The following CSNK2A2IP variants were observed in gnomAD, a reference collection of about 807,000 sequenced individuals.
The protein encoded by CSNK2A2IP is casein kinase II subunit alpha'-interacting protein.
At chr3:88,401,715 A>T in the CSNK2A2IP span, among the ~76,000 whole-genome samples, 1 of 151,878 alleles carries the variant, frequency 6.6e-6, no homozygotes, top group African/African-American at 2.4e-5. Context: ...GTGGGAAGTT[A>T]TAATCTTTGC....
the CSNK2A2IP span, among the ~76,000 whole-genome samples, chr3:88,342,164 C>T: frequency 1.6e-4 from 25 of 151,942 alleles, no homozygotes; most frequent in African/African-American, 5.1e-4. Flanking sequence ...TATATGCCTT[C>T]AGAGTTCGGT....
chr3:88,349,950 G>A, the CSNK2A2IP span, among the ~76,000 whole-genome samples: 1 of 152,002 alleles, frequency 6.6e-6, no homozygotes, highest in Non-Finnish European at 1.5e-5. Context: ...CAATACTGTG[G>A]TAGTTCAAGT....
chr3:88,353,000 C>T, the CSNK2A2IP span, among the ~76,000 whole-genome samples: 2,971 of 152,262 alleles, frequency 0.02, 53 homozygotes, highest in Non-Finnish European at 0.033. Context: ...AAATTCCCCT[C>T]AAGCTTCTCT....
chr3:88,369,588 G>A, the CSNK2A2IP span, among the ~76,000 whole-genome samples: 3 of 151,896 alleles, frequency 2.0e-5, no homozygotes, highest in Non-Finnish European at 4.4e-5. Flanking sequence ...ATTCTAGAAG[G>A]AGGAGCACCA....
chr3:88,407,969 C>T, the CSNK2A2IP span, among the ~76,000 whole-genome samples: 1 of 152,190 alleles, frequency 6.6e-6, no homozygotes, highest in African/African-American at 2.4e-5. Context: ...GTGATCCACC[C>T]ACCTTGACCT....
the CSNK2A2IP span, among the ~76,000 whole-genome samples, chr3:88,418,768 T>G: frequency 6.6e-6 from 1 of 152,300 alleles, no homozygotes; most frequent in Non-Finnish European, 1.5e-5. Flanking sequence ...ATGAACATAT[T>G]TACCTGATAG....
the CSNK2A2IP span, among the ~76,000 whole-genome samples, chr3:88,355,564 C>T: frequency 3.3e-5 from 5 of 152,136 alleles, no homozygotes; most frequent in African/African-American, 4.8e-5. Context: ...ATTAATATTG[C>T]TTTCTGATAT....
the CSNK2A2IP span, among the ~76,000 whole-genome samples, chr3:88,367,269 G>A: frequency 6.6e-6 from 1 of 152,050 alleles, no homozygotes. Flanking sequence ...AGTTTTGGGG[G>A]AAGCCAAAGC....
At chr3:88,377,443 T>C in the CSNK2A2IP span, among the ~76,000 whole-genome samples, 5 of 151,874 alleles carry the variant, frequency 3.3e-5, no homozygotes, top group Non-Finnish European at 7.4e-5. Context: ...AGTACTGCTA[T>C]GTTCAGACAC....
chr3:88,391,059 T>C, the CSNK2A2IP span, among the ~76,000 whole-genome samples: 10 of 152,330 alleles, frequency 6.6e-5, no homozygotes, highest in Admixed American at 2.0e-4. Context: ...AGTCTTTGTA[T>C]GCTCAGTTTC....
chr3:88,347,668 T>C, the CSNK2A2IP span, among the ~76,000 whole-genome samples: 1 of 152,034 alleles, frequency 6.6e-6, no homozygotes, highest in Admixed American at 6.6e-5. Flanking sequence ...AACCAAAACA[T>C]TATTTTGACT....
chr3:88,405,071 A>C, the CSNK2A2IP span, among the ~76,000 whole-genome samples: 3 of 151,972 alleles, frequency 2.0e-5, no homozygotes, highest in Non-Finnish European at 2.9e-5. Context: ...CTTTACCTTG[A>C]TGTTTCCTCT....
chr3:88,396,703 T>C, the CSNK2A2IP span, among the ~76,000 whole-genome samples: 1 of 152,168 alleles, frequency 6.6e-6, no homozygotes, highest in Non-Finnish European at 1.5e-5. Context: ...ATAATGATCT[T>C]GAAGCCAAAT....
the CSNK2A2IP span, among the ~76,000 whole-genome samples, chr3:88,344,403 T>C: frequency 2.0e-5 from 3 of 151,956 alleles, no homozygotes; most frequent in African/African-American, 7.2e-5. Flanking sequence ...ACTTTAGTAA[T>C]AACTACAGGT....
chr3:88,348,913 C>T, the CSNK2A2IP span, among the ~76,000 whole-genome samples: 2 of 151,812 alleles, frequency 1.3e-5, no homozygotes, highest in Non-Finnish European at 2.9e-5. Flanking sequence ...ATGTTTTTTT[C>T]TTTCTGCCCT....
the CSNK2A2IP span, among the ~76,000 whole-genome samples, chr3:88,383,674 T>TTG: frequency 6.3e-3 from 446 of 71,106 alleles, 3 homozygotes; most frequent in Middle Eastern, 0.026. Flanking sequence ...TTTTTTTTTT[T>TTG]GGGACGGAGT....
chr3:88,452,093 A>C, the CSNK2A2IP span, among the ~76,000 whole-genome samples: 3 of 152,072 alleles, frequency 2.0e-5, no homozygotes, highest in African/African-American at 7.2e-5. Flanking sequence ...ATAATTGCTA[A>C]CAATTTACCC....
At chr3:88,340,108 T>C in the CSNK2A2IP span, among the ~76,000 whole-genome samples, 1 of 151,998 alleles carries the variant, frequency 6.6e-6, no homozygotes, top group Non-Finnish European at 1.5e-5. Context: ...GTTTAAAATG[T>C]TTAGAGTCAT....
chr3:88,390,297 A>T, the CSNK2A2IP span, among the ~76,000 whole-genome samples: 3 of 152,310 alleles, frequency 2.0e-5, no homozygotes, highest in African/African-American at 7.2e-5. Flanking sequence ...TTAAGCATTA[A>T]GCATTTTGGT....
Sources: gnomAD v4.1 joint callset for allele counts (sites outside exome capture counted in the v4.1 genomes callset) on GRCh38, gnomAD v4.1.1 for gene constraint, MANE v1.5 for transcripts, NCBI Gene and HGNC (gene_info 2026-07-23, HGNC 2026-07-21) for gene names.